Variants in EPHA6 observed in about 807,000 individuals in gnomAD.
EPHA6 encodes ephrin type-A receptor 6.
EPHA6 carries 50 observed loss-of-function variants against 112.0 expected under a neutral mutation model. The ratio of observed to expected loss-of-function variants is 0.45; its 90% CI spans 0.36 to 0.56. The LOEUF is 0.56. Ranked by LOEUF, EPHA6 falls within the 20% of genes least tolerant of loss-of-function variation. EPHA6 has a pLI of 0.00. For missense variants in EPHA6, 1,280 were observed against 1,417.4 expected, an observed-to-expected ratio of 0.90 and a Z score of 1.56; for synonymous variants, 529 against 490.7, an observed-to-expected ratio of 1.08 and a Z score of -1.03.
Position 97,481,483 on chromosome 3 carries a change from A to G in EPHA6, c.2074+2119A>G, listed in dbSNP as rs1373312997. 16 of 1,194,694 alleles carry G rather than the reference A, an allele frequency of 1.3e-5. No homozygotes were observed. In the East Asian group the frequency reaches 3.7e-4, roughly 28 times the overall value. 74.0% of individuals were successfully genotyped at this position (1,194,694 alleles called of 1,614,324 possible). ...ATATTTCAGAGGCAATAAGGAAGGC[A>G]CAAACCATAGTTCCGGTTCTTCCTC... On this transcript the variant is annotated intron_variant, in intron 9 of 17. Transcript: ENST00000389672.
At chr3:97,167,774 A>T (rs2076578181) in intron 3 of EPHA6, among the ~76,000 whole-genome samples, 1 of 152,038 alleles carries the variant, frequency 6.6e-6, no homozygotes, top group Non-Finnish European at 1.5e-5. Context: ...TAAAATAAAC[A>T]GTATTCTTTA....
At chr3:97,634,852 ATGCTGAGAGTGTC>A (rs1331985032) in intron 13 of EPHA6, among the ~76,000 whole-genome samples, 1 of 152,010 alleles carries the variant, frequency 6.6e-6, no homozygotes, top group Non-Finnish European at 1.5e-5. Context: ...AGAGGTATTG[ATGCTGAGAGTGTC>A]TAATCAAAAA....
chr3:97,202,638 A>G (rs2077607411), intron 3 of EPHA6, among the ~76,000 whole-genome samples: 1 of 152,040 alleles, frequency 6.6e-6, no homozygotes, highest in Non-Finnish European at 1.5e-5. Flanking sequence ...TTGGCCAGAT[A>G]TATGTCTTCT....
chr3:97,728,264 C>CA (rs1429389468), intron 15 of EPHA6, among the ~76,000 whole-genome samples: 1 of 5,792 alleles, frequency 1.7e-4, no homozygotes, highest in Admixed American at 1.7e-3. Context: ...GAAGAAATTT[C>CA]ATTTTTTCCC....
intron 3 of EPHA6, among the ~76,000 whole-genome samples, chr3:97,097,750 A>T (rs558840477): frequency 2.0e-5 from 3 of 152,000 alleles, no homozygotes; most frequent in Non-Finnish European, 4.4e-5. Flanking sequence ...TAATTGATGA[A>T]ATAACAAAAT....
At chr3:97,436,447 A>G (rs879811902) in intron 6 of EPHA6, among the ~76,000 whole-genome samples, 1 of 152,180 alleles carries the variant, frequency 6.6e-6, no homozygotes, top group Non-Finnish European at 1.5e-5. Flanking sequence ...TTTAAATGGG[A>G]AAAAGTGAAA....
At chr3:97,228,695 T>C (rs2078434167) in intron 4 of EPHA6, among the ~76,000 whole-genome samples, 1 of 152,196 alleles carries the variant, frequency 6.6e-6, no homozygotes, top group South Asian at 2.1e-4. Flanking sequence ...CATGCGCAAG[T>C]GTCAAATAAT....
chr3:97,413,081 T>C (rs1029602645), intron 6 of EPHA6, among the ~76,000 whole-genome samples: 1 of 151,956 alleles, frequency 6.6e-6, no homozygotes, highest in Non-Finnish European at 1.5e-5. Context: ...ATTTCTGTTG[T>C]AGTTTGGTGA....
intron 3 of EPHA6, among the ~76,000 whole-genome samples, chr3:97,139,024 C>T (rs1485522371): frequency 6.6e-6 from 1 of 152,150 alleles, no homozygotes; most frequent in Non-Finnish European, 1.5e-5. Flanking sequence ...TGCCTCTGCC[C>T]CTCCCTGGAG....
chr3:97,184,072 A>G (rs573453398), intron 3 of EPHA6, among the ~76,000 whole-genome samples: 1 of 152,296 alleles, frequency 6.6e-6, no homozygotes, highest in Admixed American at 6.5e-5. Context: ...TTTGTATAAC[A>G]TTAATTTTGG....
At chr3:97,535,483 G>T (rs1251463991) in intron 11 of EPHA6, among the ~76,000 whole-genome samples, 1 of 152,016 alleles carries the variant, frequency 6.6e-6, no homozygotes, top group Non-Finnish European at 1.5e-5. Flanking sequence ...ATGGAGAAGG[G>T]AATAATCCTC....
chr3:97,590,556 AT>A (rs1273750071), intron 11 of EPHA6, among the ~76,000 whole-genome samples: 21 of 152,036 alleles, frequency 1.4e-4, no homozygotes, highest in Admixed American at 1.3e-3. Context: ...TACTTTACAT[AT>A]TTTTGTTTTT....
intron 3 of EPHA6, among the ~76,000 whole-genome samples, chr3:97,111,885 T>C (rs2047734860): frequency 6.6e-6 from 1 of 152,144 alleles, no homozygotes; most frequent in Non-Finnish European, 1.5e-5. Flanking sequence ...TGCAGAAAGG[T>C]TACAGCCTTG....
chr3:97,133,308 AC>A (rs2075683761), intron 3 of EPHA6, among the ~76,000 whole-genome samples: 1 of 152,080 alleles, frequency 6.6e-6, no homozygotes, highest in African/African-American at 2.4e-5. Flanking sequence ...AGCTTAAGCA[AC>A]AAGGTTTTTT....
intron 3 of EPHA6, among the ~76,000 whole-genome samples, chr3:97,125,918 G>A (rs144784184): frequency 6.6e-6 from 1 of 152,194 alleles, no homozygotes; most frequent in African/African-American, 2.4e-5. Flanking sequence ...CATTGATGTA[G>A]TTTGTCTTTG....
chr3:97,681,034 T>C (rs1039178208), intron 14 of EPHA6, among the ~76,000 whole-genome samples: 9 of 152,034 alleles, frequency 5.9e-5, no homozygotes, highest in African/African-American at 2.2e-4. Context: ...ACATTAGATT[T>C]TTGGAACAAT....
chr3:97,731,266 C>G (rs1003585572), intron 15 of EPHA6, among the ~76,000 whole-genome samples: 1 of 152,058 alleles, frequency 6.6e-6, no homozygotes, highest in Non-Finnish European at 1.5e-5. Context: ...TGGCAGTACC[C>G]TTCCTAAAGG....
chr3:97,247,893 TATTA>T lies in EPHA6; in HGVS notation c.1606+3611_1606+3614del, dbSNP rs369619564. On this transcript the variant is annotated intron_variant, in intron 5 of 17. Coordinates refer to ENST00000389672, the MANE Select transcript of EPHA6 (RefSeq NM_001080448.3). ...AGAGACCAAAAAATATAGACAGTTA[TATTA>T]ATTATTTTTTCCTACTCTATGTATG... Among the ~76,000 whole-genome samples the T allele has an allele frequency of 7.9e-5, 12 of 152,054 alleles. No individual in the cohort carries two copies. In the East Asian group the frequency reaches 1.7e-3, roughly 22 times the overall value.
chr3:97,531,440 C>G (rs539690038), intron 10 of EPHA6, among the ~76,000 whole-genome samples: 51 of 152,104 alleles, frequency 3.4e-4, no homozygotes, highest in African/African-American at 1.2e-3. Context: ...TTCCCTTACT[C>G]CTTTTATGCA....
Sources: gnomAD v4.1 joint callset for allele counts (sites outside exome capture counted in the v4.1 genomes callset) on GRCh38, gnomAD v4.1.1 for gene constraint, MANE v1.5 for transcripts, NCBI Gene and HGNC (gene_info 2026-07-23, HGNC 2026-07-21) for gene names.